SYMPK: variants seen among roughly 807,000 people sequenced by gnomAD.
SYMPK encodes the protein symplekin.
SYMPK carries 49 observed loss-of-function variants against 136.4 expected under a neutral mutation model. That is an observed-to-expected ratio of 0.36 (90% CI 0.29 to 0.46). The LOEUF is 0.46. SYMPK is among the 20% of genes least tolerant of loss of function. The pLI is 1.00. For missense variants in SYMPK, 1,365 were observed against 1,690.0 expected, an observed-to-expected ratio of 0.81 and a Z score of 3.37; for synonymous variants, 766 against 713.0, an observed-to-expected ratio of 1.07 and a Z score of -1.19.
Position 45,831,577 on chromosome 19 carries a change from T to C in SYMPK, c.1405A>G (p.Thr469Ala). The C allele has an allele frequency of 6.2e-7, 1 of 1,604,686 alleles. No individual in the cohort carries two copies. The highest frequency in any genetic ancestry group is 8.5e-7 in the Non-Finnish European group (1 of 1,175,624). Residue 469 changes from threonine to alanine, a missense_variant, in exon 12 of 27, where the codon ACC becomes GCC. Transcript: ENST00000245934. ...AAGLGPGVEQ[T>A]KQCKEEPKEE... ...TTGGGCTCCTCCTTGCACTGTTTGG[T>C]CTGCTCTACACCTGAGGGGGAGGCA...
intron 12 of SYMPK, 97 bp downstream of exon 12, chr19:45,831,287 A>C: frequency 1.1e-6 from 1 of 951,894 alleles, no homozygotes; most frequent in Non-Finnish European, 1.5e-6. Flanking sequence ...TCAGTTACAC[A>C]CACACACGCA....
At position 45,838,569 on chromosome 19, in the gene SYMPK, G is replaced by A. The variant is rs576634572; in HGVS notation, c.1134C>T (p.Gly378=). ...EDDEDKDLEP[G]PSGTSKASAQ... ...CTGAGGCCTTCGAGGTCCCCGACGG[G>A]CCTGGCTCCAAGTCTTTGTCCTCAT... is the stretch of plus-strand genomic sequence containing the variant. Residue 378 remains glycine (G), a synonymous_variant, in exon 10 of 27, where the codon GGC becomes GGT. Transcript: ENST00000245934. The A allele has an allele frequency of 1.1e-4, 170 of 1,614,052 alleles. No homozygotes were observed. In the South Asian group the frequency reaches 1.8e-3, roughly 17 times the overall value.
chr19:45,835,394 A>G (rs1259086809), intron 10 of SYMPK, among the ~76,000 whole-genome samples, 166 bp from the exon 11 acceptor site: 4 of 152,202 alleles, frequency 2.6e-5, no homozygotes, highest in South Asian at 2.1e-4. Context: ...AAATAATTAT[A>G]TAGTGTAGTG....
At chr19:45,844,496 AAC>A (rs1403577477) in intron 7 of SYMPK, among the ~76,000 whole-genome samples, 1 of 152,068 alleles carries the variant, frequency 6.6e-6, no homozygotes, top group African/African-American at 2.4e-5. Flanking sequence ...AACATGGTAA[AAC>A]CCCGTCTCTA....
chr19:45,821,153 G>A lies in SYMPK; in HGVS notation c.2893+231C>T. 1.4e-6 allele frequency: 1 copy of A among 695,498 alleles called. No individual in the cohort carries two copies. Among genetic ancestry groups the A allele is most frequent in the East Asian group, 2.7e-5 (1 of 37,124 alleles). The allele number at this position is 695,498 out of a possible 1,614,324, so 43.1% of individuals were successfully genotyped here. A position where few individuals can be genotyped will look rare whatever the true frequency, so the allele number is the denominator to read the frequency against. ...AGGTACATCAGAGGCAGAAAAAGGT[G>A]GGTTGTAAAGGGTAAAACCTGGGAG... is the stretch of plus-strand genomic sequence containing the variant. On this transcript the variant is annotated intron_variant, in intron 22 of 26. Transcript: ENST00000245934. This position sits in a 1 kb window ranked among gnomAD's most constrained non-coding sequence, Gnocchi z 4.4.
intron 1 of SYMPK, chr19:45,855,487 T>C (rs1971802161): frequency 6.6e-6 from 1 of 151,798 alleles, no homozygotes; most frequent in Non-Finnish European, 1.5e-5. Context: ...AGTTCATACA[T>C]AATCAAAGGC....
Position 45,815,482 on chromosome 19 carries a change from A to G in SYMPK, c.*78T>C, listed in dbSNP as rs1970701363. On this transcript the variant is annotated 3_prime_UTR_variant, in exon 27 of 27. Transcript: ENST00000245934. The stretch of plus-strand genomic sequence containing the variant: ...CACATCTTTTATTTCTTTTTAAGGC[A>G]AAGCACCCGCAGGTCAAGCCCCGCC... The G allele has an allele frequency of 5.7e-6, 7 of 1,227,100 alleles. No homozygotes were observed. Among genetic ancestry groups the G allele is most frequent in the Non-Finnish European group, 5.5e-6 (5 of 907,548 alleles). 76.0% of individuals were successfully genotyped at this position (1,227,100 alleles called of 1,614,324 possible).
At chr19:45,858,560 G>T (rs543399760) in intron 1 of SYMPK, among the ~76,000 whole-genome samples, 5 of 152,140 alleles carry the variant, frequency 3.3e-5, no homozygotes, top group African/African-American at 1.2e-4. Flanking sequence ...TTATTGCCCA[G>T]GCTGGAGTGC....
chr19:45,821,365 T>TG lies in SYMPK; in HGVS notation c.2893+18dup, dbSNP rs764913431. 76 of 1,594,232 alleles carry TG rather than the reference T, an allele frequency of 4.8e-5. 1 individual carries two copies. The highest frequency in any genetic ancestry group is 4.6e-4 in the South Asian group (42 of 90,626). ...CGTCGCAGGGGCCAGGCCACTGGAG[T>TG]GGGGGGGAAGCGCCTCACCTTTGAT... On this transcript the variant is annotated intron_variant, in intron 22 of 26. Transcript: ENST00000245934. The surrounding 1 kb of genome is among the most constrained non-coding windows in gnomAD (Gnocchi z 4.4).
rs67226135 is a variant in SYMPK at position 45,831,282 on chromosome 19, T to TACACAC, written c.1598+96_1598+101dup. ...GACTTCCTTCTGTCTGCATCTCAGT[T>TACACAC]ACACACACACACGCACACGCACACG... is the stretch of plus-strand genomic sequence containing the variant. On this transcript the variant is annotated intron_variant, in intron 12 of 26. Transcript: ENST00000245934. 3,601 of 674,996 alleles carry TACACAC rather than the reference T, an allele frequency of 5.3e-3. 80 individuals carry two copies. Among genetic ancestry groups the TACACAC allele is most frequent in the African/African-American group, 0.052 (2,722 of 52,302 alleles). The allele number at this position is 674,996 out of a possible 1,614,324, so 41.8% of individuals were successfully genotyped here.
chr19:45,857,148 C>T (rs142747907), intron 1 of SYMPK, among the ~76,000 whole-genome samples: 74 of 151,772 alleles, frequency 4.9e-4, no homozygotes, highest in African/African-American at 1.5e-3. Context: ...GTGGCTCACA[C>T]GTGTAATCCC....
At chr19:45,857,798 C>CTTT (rs545837447) in intron 1 of SYMPK, among the ~76,000 whole-genome samples, 13 of 131,620 alleles carry the variant, frequency 9.9e-5, no homozygotes, top group African/African-American at 3.4e-4. Flanking sequence ...GCCGAAAATA[C>CTTT]TTTTTTTTTT....
intron 8 of SYMPK, 86 bp from the exon 9 acceptor site, chr19:45,842,575 G>A: frequency 6.4e-7 from 1 of 1,557,084 alleles, no homozygotes; most frequent in South Asian, 1.2e-5. Flanking sequence ...AACTTGGGCA[G>A]TGGTCTTGCA....
intron 23 of SYMPK, among the ~76,000 whole-genome samples, chr19:45,817,734 C>G (rs1020517218): frequency 1.3e-5 from 2 of 152,314 alleles, no homozygotes. Flanking sequence ...GGTGCACACC[C>G]CTTGAGGGTT....
chr19:45,817,415 C>CTTTTTTTT (rs1568605953), intron 23 of SYMPK, among the ~76,000 whole-genome samples: 2 of 100,174 alleles, frequency 2.0e-5, no homozygotes, highest in African/African-American at 7.9e-5. Context: ...TTTTTTTGTT[C>CTTTTTTTT]TCTTTTTTTT....
At chr19:45,852,851 G>A (rs1241568176) in intron 3 of SYMPK, among the ~76,000 whole-genome samples, 1 of 152,174 alleles carries the variant, frequency 6.6e-6, no homozygotes, top group Non-Finnish European at 1.5e-5. Context: ...GAAAAAAAGA[G>A]GAAAGTGCCC....
At chr19:45,848,360 T>C (rs1158375380) in intron 6 of SYMPK, among the ~76,000 whole-genome samples, 1 of 152,206 alleles carries the variant, frequency 6.6e-6, no homozygotes, top group African/African-American at 2.4e-5. Flanking sequence ...TAGAGTGTTC[T>C]TTTCCTATCA....
At chr19:45,858,159 T>C (rs1016933423) in intron 1 of SYMPK, among the ~76,000 whole-genome samples, 3 of 152,152 alleles carry the variant, frequency 2.0e-5, no homozygotes, top group Non-Finnish European at 4.4e-5. Context: ...TATCACATGA[T>C]AGGGGTCTCC....
chr19:45,856,125 G>A (rs562141270), intron 1 of SYMPK, among the ~76,000 whole-genome samples: 3 of 152,164 alleles, frequency 2.0e-5, no homozygotes, highest in Non-Finnish European at 4.4e-5. Context: ...AGGCCGAAAC[G>A]GGTGGATCGT....
Sources: allele counts gnomAD v4.1 joint callset (sites outside exome capture counted in the v4.1 genomes callset), GRCh38; gene constraint gnomAD v4.1.1; non-coding constraint Gnocchi (gnomAD v3.1); transcripts MANE v1.5; gene names NCBI Gene and HGNC (gene_info 2026-07-23, HGNC 2026-07-21).